KIAA1217: variants seen among roughly 807,000 people sequenced by gnomAD.
The protein encoded by KIAA1217 is KIAA1217, also known as sickle tail protein homolog.
In KIAA1217, 88 loss-of-function variants were observed where a neutral mutation model predicts 163.9. The observed-to-expected ratio is 0.54, with a 90% CI of 0.45 to 0.64. The LOEUF is 0.64. Ranked by LOEUF, KIAA1217 falls within the 30% of genes least tolerant of loss-of-function variation. The pLI is 0.00. For missense variants in KIAA1217, 2,372 were observed against 2,475.0 expected, an observed-to-expected ratio of 0.96 and a Z score of 0.88; for synonymous variants, 903 against 923.1, an observed-to-expected ratio of 0.98 and a Z score of 0.39.
intron 5 of KIAA1217, among the ~76,000 whole-genome samples, chr10:24,441,340 C>G (rs1241849734): frequency 6.6e-6 from 1 of 152,126 alleles, no homozygotes; most frequent in Admixed American, 6.6e-5. Flanking sequence ...TTGGAATAAG[C>G]AGAGGGGCAA....
At chr10:23,806,469 G>A (rs551411212) in intron 1 of KIAA1217, among the ~76,000 whole-genome samples, 8 of 152,126 alleles carry the variant, frequency 5.3e-5, no homozygotes, top group Admixed American at 6.5e-5. Context: ...ATGACTACAC[G>A]TCCCTTTACC....
intron 2 of KIAA1217, among the ~76,000 whole-genome samples, chr10:24,067,246 G>C (rs1418270342): frequency 1.3e-5 from 2 of 152,080 alleles, no homozygotes; most frequent in African/African-American, 2.4e-5. Context: ...CCGTTTTTCT[G>C]CTCTGTTTTT....
chr10:23,790,028 T>C lies in KIAA1217; in HGVS notation c.-321+94794T>C, dbSNP rs191272096. On this transcript the variant is annotated intron_variant, in intron 1 of 18. Coordinates refer to the KIAA1217 transcript ENST00000376462. Reference sequence around the variant, plus strand: ...GCACATACACATATACACATATGCATATACACATATACATATGCATATACA... The same window carrying C: ...GCACATACACATATACACATATGCACATACACATATACATATGCATATACA... 3.4e-3 allele frequency among the ~76,000 whole-genome samples: 420 copies of C among 122,640 alleles called. 63 individuals are homozygous for C. The highest frequency in any genetic ancestry group is 4.3e-3 in the Non-Finnish European group (261 of 61,032). 80.5% of individuals were successfully genotyped at this position (122,640 alleles called of 152,430 possible).
In KIAA1217 at chr10:24,008,451, T is replaced by C. The variant is rs181259532; in HGVS notation, c.-171+1077T>C. 8.1e-4 allele frequency among the ~76,000 whole-genome samples: 123 copies of C among 152,172 alleles called. 1 individual carries two copies. The highest frequency in any genetic ancestry group is 3.5e-3 in the Admixed American group (54 of 15,240). On this transcript the variant is annotated intron_variant, in intron 2 of 18. Transcript: ENST00000376462. Reference sequence around the variant, plus strand: ...GAGTGACGGTAGAAAGTTTGCAAAATAGCTTCTGAATTCAAGCAACCAAAG... The same window carrying C: ...GAGTGACGGTAGAAAGTTTGCAAAACAGCTTCTGAATTCAAGCAACCAAAG...
intron 2 of KIAA1217, among the ~76,000 whole-genome samples, chr10:24,176,777 G>T (rs1256859510): frequency 5.3e-5 from 8 of 152,220 alleles, no homozygotes; most frequent in Non-Finnish European, 1.0e-4. Flanking sequence ...GCGGAGCGGG[G>T]GTGGCGCCCA....
intron 1 of KIAA1217, among the ~76,000 whole-genome samples, chr10:23,906,426 G>C (rs2131258439): frequency 6.6e-6 from 1 of 152,218 alleles, no homozygotes; most frequent in South Asian, 2.1e-4. Context: ...ATGAGAAGTA[G>C]AGAAAGAAAT....
intron 9 of KIAA1217, among the ~76,000 whole-genome samples, 184 bp downstream of exon 9, chr10:24,501,729 CTTTTTTTTTTTTTTTTTTTTTTTTT>C (rs71397953): frequency 1.9e-5 from 1 of 51,472 alleles, no homozygotes; most frequent in Admixed American, 2.8e-4. Flanking sequence ...ATAACCACTT[CTTTTTTTTTTTTTTTTTTTTTTTTT>C]TTTTTTTTTT....
chr10:24,005,944 T>C (rs549364115), intron 1 of KIAA1217, among the ~76,000 whole-genome samples: 2 of 152,276 alleles, frequency 1.3e-5, no homozygotes, highest in East Asian at 1.9e-4. Flanking sequence ...CAAGAACTTA[T>C]AGCTTCATGT....
At chr10:23,825,363 C>G (rs1482958278) in intron 1 of KIAA1217, among the ~76,000 whole-genome samples, 1 of 152,084 alleles carries the variant, frequency 6.6e-6, no homozygotes, top group East Asian at 1.9e-4. Flanking sequence ...GTCAGCTTTT[C>G]CTTATCTTTG....
At chr10:24,267,095 A>G (rs2076310555) in intron 2 of KIAA1217, among the ~76,000 whole-genome samples, 1 of 152,200 alleles carries the variant, frequency 6.6e-6, no homozygotes, top group African/African-American at 2.4e-5. Context: ...GTTACCAGCT[A>G]TAATTGGAGG....
intron 2 of KIAA1217, among the ~76,000 whole-genome samples, chr10:24,048,729 CAAA>C (rs544352537): frequency 4.7e-5 from 6 of 127,878 alleles, no homozygotes; most frequent in Non-Finnish European, 6.4e-5. Flanking sequence ...GACTCTGTCT[CAAA>C]AAAAAAAAAA....
intron 17 of KIAA1217, among the ~76,000 whole-genome samples, chr10:24,537,346 C>A (rs2074175556): frequency 6.6e-6 from 1 of 152,086 alleles, no homozygotes; most frequent in African/African-American, 2.4e-5. Context: ...GAGGCCGAGG[C>A]AGGTGGATCA....
At chr10:24,105,282 T>C (rs1336583140) in intron 2 of KIAA1217, among the ~76,000 whole-genome samples, 11 of 152,038 alleles carry the variant, frequency 7.2e-5, no homozygotes, top group Admixed American at 5.9e-4. Context: ...AAGCATCAAG[T>C]TGCAAAAATC....
chr10:24,483,712 C>T (rs973790935), intron 6 of KIAA1217, among the ~76,000 whole-genome samples: 4 of 152,120 alleles, frequency 2.6e-5, no homozygotes, highest in Non-Finnish European at 4.4e-5. Flanking sequence ...ATTAGCTGGC[C>T]GTGTTCAGCT....
At chr10:24,285,277 A>G (rs1282801978) in intron 2 of KIAA1217, among the ~76,000 whole-genome samples, 1 of 152,118 alleles carries the variant, frequency 6.6e-6, no homozygotes, top group African/African-American at 2.4e-5. Flanking sequence ...TTGCTTTTGA[A>G]GACTTAATCA....
At chr10:24,412,542 A>G (rs1020762146) in intron 3 of KIAA1217, among the ~76,000 whole-genome samples, 5 of 152,128 alleles carry the variant, frequency 3.3e-5, no homozygotes, top group African/African-American at 2.4e-5. Context: ...TTGACTGCCA[A>G]CACATCACAT....
At chr10:23,856,784 G>C (rs1044238162) in intron 1 of KIAA1217, among the ~76,000 whole-genome samples, 23 of 152,356 alleles carry the variant, frequency 1.5e-4, no homozygotes, top group African/African-American at 5.0e-4. Flanking sequence ...AGCAATCAGC[G>C]AGATTCTGTG....
intron 1 of KIAA1217, among the ~76,000 whole-genome samples, chr10:23,805,996 CAAAAA>C (rs71397917): frequency 3.4e-3 from 103 of 30,486 alleles, no homozygotes; most frequent in African/African-American, 8.5e-3. Context: ...AACTCCATCT[CAAAAA>C]AAAAAAAAAA....
intron 5 of KIAA1217, among the ~76,000 whole-genome samples, chr10:24,452,003 G>A (rs899455372): frequency 5.3e-5 from 8 of 152,096 alleles, no homozygotes; most frequent in Non-Finnish European, 1.2e-4. Context: ...GCTTCCAGGG[G>A]ACCATTTTTC....
Sources: gnomAD v4.1 joint callset for allele counts (sites outside exome capture counted in the v4.1 genomes callset) on GRCh38, gnomAD v4.1.1 for gene constraint, MANE v1.5 for transcripts, NCBI Gene and HGNC (gene_info 2026-07-23, HGNC 2026-07-21) for gene names.